Variants in C17orf67 observed in about 807,000 individuals in gnomAD.
C17orf67 encodes chromosome 17 open reading frame 67.
In C17orf67, 12 loss-of-function variants were observed where a neutral mutation model predicts 11.2. The ratio of observed to expected loss-of-function variants is 1.07; its 90% CI spans 0.68 to 1.73. The LOEUF (loss-of-function observed/expected upper bound fraction) is 1.73. Among genes scored for constraint, C17orf67 ranks in the 40% most tolerant of loss-of-function variants. The probability of loss-of-function intolerance (pLI) is 0.00; values close to 1 mark genes in which losing one functional copy is unlikely to be tolerated. For synonymous variants in C17orf67, 59 were observed against 46.9 expected (o/e 1.26, Z -1.05); for missense variants, 115 against 113.5 (o/e 1.01, Z -0.06).
At chr17:56,808,702 C>G (rs958284134) in intron 6 of C17orf67, among the ~76,000 whole-genome samples, 1 of 152,206 alleles carries the variant, frequency 6.6e-6, no homozygotes, top group African/African-American at 2.4e-5. Flanking sequence ...GTCAAACAGT[C>G]TAGCCCTTTG....
intron 6 of C17orf67, among the ~76,000 whole-genome samples, chr17:56,807,846 C>T (rs550143571): frequency 4.0e-5 from 6 of 151,724 alleles, no homozygotes; most frequent in Admixed American, 1.3e-4. Context: ...GCCATGATCG[C>T]ACCACTGCAC....
intron 6 of C17orf67, among the ~76,000 whole-genome samples, chr17:56,803,101 T>C (rs1905361621): frequency 6.6e-6 from 1 of 152,222 alleles, no homozygotes; most frequent in Non-Finnish European, 1.5e-5. Flanking sequence ...TGAAACAGTA[T>C]AGAGTGACCC....
intron 6 of C17orf67, among the ~76,000 whole-genome samples, chr17:56,809,044 T>C (rs1905524912): frequency 6.6e-6 from 1 of 152,040 alleles, no homozygotes. Context: ...TGTGAGGGTA[T>C]GTGGCTCTGT....
intron 6 of C17orf67, among the ~76,000 whole-genome samples, chr17:56,804,652 A>G (rs1266163159): frequency 6.6e-6 from 1 of 152,264 alleles, no homozygotes; most frequent in Non-Finnish European, 1.5e-5. Flanking sequence ...TATTTGCCCA[A>G]CAAGAACACT....
chr17:56,797,517 G>C (rs1905235678), intron 6 of C17orf67, among the ~76,000 whole-genome samples: 1 of 152,186 alleles, frequency 6.6e-6, no homozygotes, highest in East Asian at 1.9e-4. Context: ...TGAGCACAGA[G>C]TGGGGCACAG....
At chr17:56,810,443 C>T (rs1662302383) in intron 6 of C17orf67, among the ~76,000 whole-genome samples, 1 of 151,652 alleles carries the variant, frequency 6.6e-6, no homozygotes. Flanking sequence ...CATACATACC[C>T]TCATACACAC....
chr17:56,823,123 C>A (rs1465304907), intron 4 of C17orf67, among the ~76,000 whole-genome samples: 1 of 152,184 alleles, frequency 6.6e-6, no homozygotes, highest in Non-Finnish European at 1.5e-5. Flanking sequence ...GAACCATGCA[C>A]AAAATAATTT....
chr17:56,806,976 T>A (rs1905466934), intron 6 of C17orf67, among the ~76,000 whole-genome samples: 2 of 152,098 alleles, frequency 1.3e-5, no homozygotes, highest in African/African-American at 4.8e-5. Context: ...GGTAAAACAG[T>A]GTATTTTGTT....
chr17:56,831,542 G>A (rs1438682609), intron 2 of C17orf67, among the ~76,000 whole-genome samples: 1 of 152,126 alleles, frequency 6.6e-6, no homozygotes, highest in Non-Finnish European at 1.5e-5. Context: ...GAGGATCATT[G>A]GGGCGTGAAG....
intron 6 of C17orf67, among the ~76,000 whole-genome samples, chr17:56,805,514 T>A (rs2144122251): frequency 1.3e-5 from 2 of 152,334 alleles, no homozygotes; most frequent in Non-Finnish European, 2.9e-5. Context: ...CCATGATATC[T>A]CTACCTTAAA....
intron 6 of C17orf67, among the ~76,000 whole-genome samples, chr17:56,800,047 G>T (rs1597988158): frequency 7.1e-6 from 1 of 140,710 alleles, no homozygotes; most frequent in Non-Finnish European, 1.5e-5. Context: ...TCTGTATCCT[G>T]TTGCAAACTA....
chr17:56,824,278 G>T (rs956717242), intron 4 of C17orf67, among the ~76,000 whole-genome samples: 3 of 152,166 alleles, frequency 2.0e-5, no homozygotes, highest in African/African-American at 7.2e-5. Flanking sequence ...ACACTGGCTT[G>T]CCCTTCAGCT....
At chr17:56,803,238 C>T (rs1905367522) in intron 6 of C17orf67, among the ~76,000 whole-genome samples, 1 of 152,194 alleles carries the variant, frequency 6.6e-6, no homozygotes, top group Non-Finnish European at 1.5e-5. Context: ...GTTGGGCAGA[C>T]ATCTTGACAA....
At chr17:56,820,460 G>A (rs559082341) in intron 4 of C17orf67, among the ~76,000 whole-genome samples, 20 of 152,134 alleles carry the variant, frequency 1.3e-4, no homozygotes, top group South Asian at 2.1e-4. Context: ...ACACTCACGC[G>A]GGGACAATTC....
chr17:56,821,346 A>G (rs907356852), intron 4 of C17orf67, among the ~76,000 whole-genome samples: 1 of 152,222 alleles, frequency 6.6e-6, no homozygotes, highest in Admixed American at 6.5e-5. Flanking sequence ...TGTACATTGT[A>G]AAGAATTATA....
chr17:56,808,847 T>C, intron 6 of C17orf67, among the ~76,000 whole-genome samples: 1 of 152,254 alleles, frequency 6.6e-6, no homozygotes, highest in Non-Finnish European at 1.5e-5. Flanking sequence ...GAGAGACTTC[T>C]GCAAATCTTC....
intron 6 of C17orf67, among the ~76,000 whole-genome samples, chr17:56,811,484 T>G (rs1194892553): frequency 1.3e-5 from 2 of 152,118 alleles, no homozygotes; most frequent in East Asian, 3.9e-4. Flanking sequence ...CGAGACTCTC[T>G]TCTTGCAGAG....
At chr17:56,799,984 GA>G (rs71139937) in intron 6 of C17orf67, among the ~76,000 whole-genome samples, 83 of 140,362 alleles carry the variant, frequency 5.9e-4, no homozygotes, top group Non-Finnish European at 7.1e-4. Context: ...TTAAAGTCAT[GA>G]AAAAAAAAAA....
intron 6 of C17orf67, chr17:56,803,915 TAGTCAAATCAAA>T (rs1022692425): frequency 9.2e-5 from 14 of 152,126 alleles, no homozygotes; most frequent in Non-Finnish European, 1.3e-4. Flanking sequence ...AAGCAATCAT[TAGTCAAATCAAA>T]AGGCAAATTG....
Sources: gnomAD v4.1 joint callset for allele counts (sites outside exome capture counted in the v4.1 genomes callset) on GRCh38, gnomAD v4.1.1 for gene constraint, MANE v1.5 for transcripts, NCBI Gene and HGNC (gene_info 2026-07-23, HGNC 2026-07-21) for gene names.